The following KLKB1 variants were observed in gnomAD, a reference collection of about 807,000 sequenced individuals.
KLKB1 encodes plasma kallikrein.
KLKB1 carries 58 observed loss-of-function variants against 73.6 expected under a neutral mutation model. The observed-to-expected ratio is 0.79, with a 90% CI of 0.64 to 0.98. KLKB1 has a LOEUF of 0.98. Among genes scored for constraint, KLKB1 ranks in the 50% least tolerant of loss-of-function variants. The pLI, the probability that KLKB1 is intolerant of heterozygous loss-of-function variation, is 0.00. For synonymous variants in KLKB1, 280 were observed against 258.1 expected (o/e 1.08, Z -0.81); for missense variants, 737 against 763.8 (o/e 0.96, Z 0.41).
At chr4:186,240,057 T>C (rs66530140) in intron 6 of KLKB1, among the ~76,000 whole-genome samples, 82,287 of 147,084 alleles carry the variant, frequency 0.56, 23,400 homozygotes, top group East Asian at 0.67. Context: ...GACAGTGATA[T>C]TGTTATAGTT....
intron 2 of KLKB1, among the ~76,000 whole-genome samples, chr4:186,229,567 A>G (rs181957541): frequency 7.9e-5 from 12 of 152,178 alleles, no homozygotes; most frequent in African/African-American, 2.7e-4. Flanking sequence ...TTTTTGAAAT[A>G]AAAATACTAG....
chr4:186,258,152 C>G lies in KLKB1; in HGVS notation c.1857C>G (p.Asp619Glu), dbSNP rs145347307. ...GVYTKVAEYM[D>E]WILEKTQSSD... Reference sequence around the variant, plus strand: ...ACACCAAAGTCGCTGAGTACATGGACTGGATTTTAGAGAAAACACAGAGCA... The same window carrying G: ...ACACCAAAGTCGCTGAGTACATGGAGTGGATTTTAGAGAAAACACAGAGCA... Residue 619 changes from aspartate to glutamate, a missense_variant, in exon 15 of 15, where the codon GAC (aspartate) becomes GAG (glutamate). Asp to Glu is a conservative substitution (Grantham distance 45). Coordinates refer to ENST00000264690, the MANE Select transcript of KLKB1 (RefSeq NM_000892.5). The G allele has an allele frequency of 5.3e-5, 86 of 1,614,036 alleles. No homozygotes were observed. In the Middle Eastern group the frequency reaches 6.6e-4, roughly 12 times the overall value.
chr4:186,235,483 C>T (rs1364997927), intron 4 of KLKB1, among the ~76,000 whole-genome samples: 2 of 151,942 alleles, frequency 1.3e-5, no homozygotes, highest in Admixed American at 6.5e-5. Flanking sequence ...AACTCTTAGC[C>T]TGTTCTTTTC....
chr4:186,234,091 TA>T, intron 4 of KLKB1, 33 bp downstream of exon 4: 1 of 1,474,904 alleles, frequency 6.8e-7, no homozygotes, highest in African/African-American at 1.4e-5. Flanking sequence ...ACATTTGAGT[TA>T]ATATTGGATC....
chr4:186,229,485 A>G (rs1231408810), intron 2 of KLKB1, among the ~76,000 whole-genome samples: 3 of 152,094 alleles, frequency 2.0e-5, no homozygotes, highest in Non-Finnish European at 4.4e-5. Flanking sequence ...GGAGCTTGCT[A>G]TTCTTCTCTT....
upstream of KLKB1, among the ~76,000 whole-genome samples, chr4:186,225,637 T>C (rs1737143592): frequency 6.6e-6 from 1 of 152,004 alleles, no homozygotes; most frequent in Non-Finnish European, 1.5e-5. Context: ...GGTTTCACTG[T>C]GTTAGCCAGG....
intron 11 of KLKB1, among the ~76,000 whole-genome samples, chr4:186,252,856 T>C (rs1309567350): frequency 1.3e-5 from 2 of 152,274 alleles, no homozygotes; most frequent in African/African-American, 4.8e-5. Flanking sequence ...GTCATAATAA[T>C]TTTTAAAAGT....
At chr4:186,235,990 T>C (rs978846687) in intron 4 of KLKB1, among the ~76,000 whole-genome samples, 2 of 151,644 alleles carry the variant, frequency 1.3e-5, no homozygotes, top group Non-Finnish European at 2.9e-5. Context: ...GGCGCGCGCC[T>C]GTAGTCCCAG....
At chr4:186,244,104 C>T (rs557408183) in intron 6 of KLKB1, among the ~76,000 whole-genome samples, 5 of 152,050 alleles carry the variant, frequency 3.3e-5, no homozygotes, top group Admixed American at 1.3e-4. Flanking sequence ...CCCTGCACTT[C>T]GGCTGTGTGT....
At chr4:186,234,997 C>T (rs1376840938) in intron 4 of KLKB1, among the ~76,000 whole-genome samples, 1 of 152,114 alleles carries the variant, frequency 6.6e-6, no homozygotes, top group Non-Finnish European at 1.5e-5. Flanking sequence ...TTAAATTTGT[C>T]ATCCTTTCCT....
chr4:186,244,494 C>T (rs1241881224), intron 6 of KLKB1, among the ~76,000 whole-genome samples: 1 of 152,088 alleles, frequency 6.6e-6, no homozygotes, highest in East Asian at 1.9e-4. Context: ...GGCAGTACAG[C>T]CCAAGTAAGT....
In KLKB1 at chr4:186,235,821, T is replaced by TA. The variant is rs11330466; in HGVS notation, c.329-950dup. Among the ~76,000 whole-genome samples, 625 of 148,310 alleles carry TA rather than the reference T, an allele frequency of 4.2e-3. 7 individuals carry two copies. The highest frequency in any genetic ancestry group is 0.014 in the African/African-American group (581 of 40,674). ...AGTCTAACCAAGAAATTTGAATCTT[T>TA]AAAAAAAAAAGAGGCCGGGCGCGGT... On this transcript the variant is annotated intron_variant, in intron 4 of 14. Coordinates refer to ENST00000264690, the MANE Select transcript of KLKB1 (RefSeq NM_000892.5).
chr4:186,236,391 A>G (rs1281666133), intron 4 of KLKB1, among the ~76,000 whole-genome samples: 1 of 152,224 alleles, frequency 6.6e-6, no homozygotes, highest in East Asian at 1.9e-4. Context: ...TCAATGCGAA[A>G]GGTCAAAGGC....
chr4:186,239,706 T>G (rs183223981), intron 6 of KLKB1, among the ~76,000 whole-genome samples: 5 of 59,360 alleles, frequency 8.4e-5, no homozygotes, highest in Admixed American at 3.7e-4. Context: ...GATACTGTTA[T>G]AGTTATAGGA....
At chr4:186,237,431 A>G (rs1244133962) in intron 5 of KLKB1, among the ~76,000 whole-genome samples, 1 of 151,918 alleles carries the variant, frequency 6.6e-6, no homozygotes, top group African/African-American at 2.4e-5. Flanking sequence ...ATTTAATTTC[A>G]TTTGTTTCTC....
At position 186,254,653 on chromosome 4, in the gene KLKB1, A is replaced by G; in HGVS notation, c.1379A>G (p.Asp460Gly). 2 of 1,613,736 alleles carry G rather than the reference A, an allele frequency of 1.2e-6. No individual in the cohort carries two copies. The highest frequency in any genetic ancestry group is 4.5e-5 in the East Asian group (2 of 44,878). ...GILNLSDITK[D>G]TPFSQIKEII... ...TTAAATCTGTCAGACATTACAAAAG[A>G]TACACCTTTCTCACAAATAAAAGAG... The change falls in exon 12 of 15, where the codon GAT becomes GGT. Residue 460 changes from aspartate (D) to glycine (G), a missense_variant. Physicochemically the swap from Asp to Gly is moderately conservative, Grantham distance 94. Transcript: ENST00000264690.
intron 2 of KLKB1, among the ~76,000 whole-genome samples, chr4:186,216,301 C>T (rs1350675070): frequency 6.6e-6 from 1 of 152,116 alleles, no homozygotes; most frequent in African/African-American, 2.4e-5. Context: ...ATTGAGGGAG[C>T]TGGGGAAAGA....
At position 186,257,111 on chromosome 4, in the gene KLKB1, CTT is replaced by C. The variant is rs373457459; in HGVS notation, c.1586-114_1586-113del. On this transcript the variant is annotated intron_variant, in intron 13 of 14. Coordinates refer to ENST00000264690, the MANE Select transcript of KLKB1 (RefSeq NM_000892.5). Reference sequence around the variant, plus strand: ...TACACTGCTCTGATTCACTTTAAAACTTATTTCCATATTTATTATTTATTGTG... The same window carrying C: ...TACACTGCTCTGATTCACTTTAAAACATTTCCATATTTATTATTTATTGTG... The C allele has an allele frequency of 8.7e-4, 514 of 593,242 alleles. 3 individuals are homozygous for C. The African/African-American group carries it at 8.8e-3, about 10-fold the overall frequency. 36.7% of individuals were successfully genotyped at this position (593,242 alleles called of 1,614,324 possible).
At position 186,258,287 on chromosome 4, in the gene KLKB1, G is replaced by A. The variant is rs1739129314; in HGVS notation, c.*75G>A. The A allele has an allele frequency of 1.6e-5, 19 of 1,224,774 alleles. No individual in the cohort carries two copies. Among genetic ancestry groups the A allele is most frequent in the Non-Finnish European group, 2.1e-5 (18 of 846,580 alleles). 75.9% of individuals were successfully genotyped at this position (1,224,774 alleles called of 1,614,324 possible). On this transcript the variant is annotated 3_prime_UTR_variant, in exon 15 of 15. Coordinates refer to ENST00000264690, the MANE Select transcript of KLKB1 (RefSeq NM_000892.5). ...TTCTGAGCCTGGGGGGTCCTCATCTGCAAAGCATGGAGAGTGGCATCTTCT... is the reference window on the plus strand; with the variant it reads ...TTCTGAGCCTGGGGGGTCCTCATCTACAAAGCATGGAGAGTGGCATCTTCT...
Sources: gnomAD v4.1 joint callset for allele counts (sites outside exome capture counted in the v4.1 genomes callset) on GRCh38, gnomAD v4.1.1 for gene constraint, MANE v1.5 for transcripts, NCBI Gene and HGNC (gene_info 2026-07-23, HGNC 2026-07-21) for gene names.